Variants in LDHB observed in about 807,000 individuals in gnomAD.
LDHB encodes the protein L-lactate dehydrogenase B chain.
A neutral mutation model predicts 33.4 loss-of-function variants in LDHB; 18 were observed. That is an observed-to-expected ratio of 0.54 (90% CI 0.37 to 0.80). LDHB has a LOEUF of 0.80. Ranked by LOEUF, LDHB falls within the 30% of genes least tolerant of loss-of-function variation. LDHB has a pLI of 0.00. For synonymous variants in LDHB, 121 were observed against 140.6 expected (o/e 0.86, Z 0.98); for missense variants, 345 against 407.9 (o/e 0.85, Z 1.33).
intron 5 of LDHB, among the ~76,000 whole-genome samples, chr12:21,640,919 GC>G (rs1290428566): frequency 1.3e-5 from 2 of 151,824 alleles, no homozygotes; most frequent in Non-Finnish European, 2.9e-5. Context: ...AATATTTTGG[GC>G]ATGAGATAAA....
At chr12:21,652,629 G>A (rs573818647) in intron 2 of LDHB, among the ~76,000 whole-genome samples, 1 of 147,520 alleles carries the variant, frequency 6.8e-6, no homozygotes, top group South Asian at 2.1e-4. Context: ...AATGCAAAAG[G>A]ATAGGGAGCT....
At chr12:21,647,958 A>G (rs916705016) in intron 2 of LDHB, among the ~76,000 whole-genome samples, 1 of 152,120 alleles carries the variant, frequency 6.6e-6, no homozygotes, top group African/African-American at 2.4e-5. Context: ...CGGCCTCCCA[A>G]AATGCTGGAA....
rs141629567 is a variant in LDHB, at chr12:21,641,962, G to A, written c.585C>T (p.Gly195=). Residue 195 remains glycine, a synonymous_variant, in exon 5 of 8, where the codon GGC becomes GGT. Transcript: ENST00000350669. ...SCHGWILGEH[G]DSSVAVWSGV... is the part of the protein sequence containing the mutation. ...TTTTTTTTTCTTTACCACTTGAGTCGCCATGTTCCCCCAAAATCCATCCAT... is the reference window on the plus strand; with the variant it reads ...TTTTTTTTTCTTTACCACTTGAGTCACCATGTTCCCCCAAAATCCATCCAT... The A allele has an allele frequency of 3.7e-5, 60 of 1,610,700 alleles. No individual in the cohort carries two copies. In the East Asian group the frequency reaches 9.1e-4, roughly 25 times the overall value.
chr12:21,643,726 T>C, intron 4 of LDHB: 4 of 547,610 alleles, frequency 7.3e-6, no homozygotes, highest in Admixed American at 3.3e-5. Flanking sequence ...GAAATTGCTT[T>C]AGCTAAAACT....
intron 6 of LDHB, 96 bp downstream of exon 6, chr12:21,638,257 A>G (rs1938271108): frequency 1.3e-6 from 1 of 775,358 alleles, no homozygotes; most frequent in Non-Finnish European, 2.3e-6. Context: ...TACTACATTA[A>G]GAGTTTATCT....
intron 2 of LDHB, among the ~76,000 whole-genome samples, chr12:21,653,962 T>C (rs1199019996): frequency 1.3e-5 from 2 of 152,156 alleles, no homozygotes; most frequent in African/African-American, 2.4e-5. Flanking sequence ...TCAGCAGTAA[T>C]GAGACAAGTT....
intron 1 of LDHB, among the ~76,000 whole-genome samples, chr12:21,655,567 G>A (rs979453823): frequency 1.3e-5 from 2 of 152,192 alleles, no homozygotes; most frequent in African/African-American, 4.8e-5. Flanking sequence ...TTTATTCAAA[G>A]TCTGCAAAAA....
In LDHB at chr12:21,657,796, A is replaced by T. The variant is rs370087403; in HGVS notation, c.-52T>A. On this transcript the variant is annotated 5_prime_UTR_variant, in exon 1 of 8. Transcript: ENST00000350669. ...AGACCTCTGTAACAGTCGTGCGGAGAAGACAAAGTCAGCTGCGTGCGTCTC... is the reference window on the plus strand; with the variant it reads ...AGACCTCTGTAACAGTCGTGCGGAGTAGACAAAGTCAGCTGCGTGCGTCTC... 1 of 152,376 alleles carries T rather than the reference A, an allele frequency of 6.6e-6. No individual in the cohort carries two copies. Among genetic ancestry groups the T allele is most frequent in the Non-Finnish European group, 1.5e-5 (1 of 68,168 alleles). 9.4% of individuals were successfully genotyped at this position (152,376 alleles called of 1,614,324 possible).
chr12:21,650,647 G>C (rs1391519949), intron 2 of LDHB, among the ~76,000 whole-genome samples: 1 of 152,192 alleles, frequency 6.6e-6, no homozygotes, highest in Non-Finnish European at 1.5e-5. Context: ...GTCTGAGATG[G>C]ATAATGGGAT....
At chr12:21,649,862 C>A (rs1938633711) in intron 2 of LDHB, among the ~76,000 whole-genome samples, 1 of 152,024 alleles carries the variant, frequency 6.6e-6, no homozygotes, top group Non-Finnish European at 1.5e-5. Flanking sequence ...GGGGCTGAGG[C>A]AGGCAGATCA....
chr12:21,637,736 T>C (rs1276888362), intron 6 of LDHB, among the ~76,000 whole-genome samples: 1 of 152,002 alleles, frequency 6.6e-6, no homozygotes, highest in East Asian at 1.9e-4. Context: ...AAATTAGGAT[T>C]TAATGCAATT....
chr12:21,652,518 G>A (rs1054568981), intron 2 of LDHB, among the ~76,000 whole-genome samples: 6 of 152,216 alleles, frequency 3.9e-5, no homozygotes, highest in African/African-American at 1.4e-4. Flanking sequence ...TTATTGGCAC[G>A]AACAGTGAGC....
chr12:21,638,416 G>A lies in LDHB; in HGVS notation c.650C>T (p.Pro217Leu), dbSNP rs201634450. 2 of 1,610,520 alleles carry A rather than the reference G, an allele frequency of 1.2e-6. No individual in the cohort carries two copies. ...ACTATCATTGTCAGTTCCCATTTCT[G>A]GATTCAATTCCTGGAGAGAAACACC... ...VAGVSLQELN[P>L]EMGTDNDSEN... is the part of the protein sequence containing the mutation. The change falls in exon 6 of 8, where the codon CCA becomes CTA. Residue 217 changes from proline (P) to leucine (L), a missense_variant. Pro to Leu is a moderately conservative substitution (Grantham distance 98). Transcript: ENST00000350669.
At chr12:21,648,102 C>G (rs1938579440) in intron 2 of LDHB, among the ~76,000 whole-genome samples, 1 of 152,152 alleles carries the variant, frequency 6.6e-6, no homozygotes, top group Non-Finnish European at 1.5e-5. Context: ...ATTCCATTAT[C>G]TTATGGAAGT....
At chr12:21,651,710 T>G (rs1358869922) in intron 2 of LDHB, among the ~76,000 whole-genome samples, 2 of 152,238 alleles carry the variant, frequency 1.3e-5, no homozygotes, top group African/African-American at 4.8e-5. Context: ...GTTATATTCC[T>G]TTCTCTATTA....
intron 3 of LDHB, among the ~76,000 whole-genome samples, chr12:21,645,843 A>G (rs981055850): frequency 7.2e-5 from 11 of 151,930 alleles, no homozygotes; most frequent in Admixed American, 1.3e-4. Context: ...TTCTTTCTCT[A>G]TACTTTGTCT....
intron 4 of LDHB, 37 bp downstream of exon 4, chr12:21,643,898 A>C: frequency 2.0e-6 from 3 of 1,475,992 alleles, no homozygotes; most frequent in Non-Finnish European, 2.8e-6. Flanking sequence ...AAAACACTGA[A>C]CTTAACAGAA....
At chr12:21,651,938 A>G (rs1938700727) in intron 2 of LDHB, among the ~76,000 whole-genome samples, 1 of 152,258 alleles carries the variant, frequency 6.6e-6, no homozygotes, top group Admixed American at 6.5e-5. Flanking sequence ...GATAAAGGGA[A>G]AAGAACGCTA....
intron 1 of LDHB, 73 bp from the exon 2 acceptor site, chr12:21,654,750 T>C (rs1938791289): frequency 6.2e-6 from 8 of 1,300,406 alleles, no homozygotes; most frequent in Non-Finnish European, 8.9e-6. Context: ...CCTTAAAATG[T>C]TACTGTTGCA....
Sources: gnomAD v4.1 joint callset for allele counts (sites outside exome capture counted in the v4.1 genomes callset) on GRCh38, gnomAD v4.1.1 for gene constraint, MANE v1.5 for transcripts, NCBI Gene and HGNC (gene_info 2026-07-23, HGNC 2026-07-21) for gene names.